The following LRTM2 variants were observed in gnomAD, a reference collection of about 807,000 sequenced individuals.
The protein encoded by LRTM2 is leucine rich repeat transmembrane protein 2.
In LRTM2, 18 loss-of-function variants were observed where a neutral mutation model predicts 28.1. The ratio of observed to expected loss-of-function variants is 0.64; its 90% CI spans 0.44 to 0.95. The LOEUF (loss-of-function observed/expected upper bound fraction) is 0.95. Ranked by LOEUF, LRTM2 falls within the 40% of genes least tolerant of loss-of-function variation. The pLI is 0.00. For synonymous variants in LRTM2, 250 were observed against 218.7 expected, an observed-to-expected ratio of 1.14 and a Z score of -1.26; for missense variants, 436 against 497.2, an observed-to-expected ratio of 0.88 and a Z score of 1.17.
intron 2 of LRTM2, chr12:1,827,806 A>G: frequency 3.3e-6 from 1 of 298,528 alleles, no homozygotes; most frequent in Non-Finnish European, 6.2e-6. Flanking sequence ...AAGAAGGCAG[A>G]TGAGGCTGGG....
chr12:1,832,926 T>C (rs913417097), intron 4 of LRTM2, among the ~76,000 whole-genome samples: 6 of 152,260 alleles, frequency 3.9e-5, no homozygotes, highest in African/African-American at 9.6e-5. Flanking sequence ...GCTGCATCCC[T>C]GTCAGCACCC....
rs202193340 is a variant in LRTM2 at position 1,834,506 on chromosome 12, C to A, written c.898C>A (p.Arg300=). The change falls in exon 5 of 5, where the codon CGG becomes AGG. Residue 300 remains arginine (R), a synonymous_variant. Coordinates refer to ENST00000299194, the MANE Select transcript of LRTM2 (RefSeq NM_001039029.3). The surrounding 1 kb of genome is among the most constrained non-coding windows in gnomAD (Gnocchi z 7.6). ...STACPQKQRH[R]PASVRRAMGT... is the part of the protein sequence containing the mutation. ...AGCCTGCCCACAGAAGCAGAGGCAC[C>A]GGCCGGCGAGCGTGAGGCGAGCCAT... 2 of 1,607,320 alleles carry A rather than the reference C, an allele frequency of 1.2e-6. No homozygotes were observed.
In LRTM2 at chr12:1,834,407, C is replaced by T. The variant is rs1244408744; in HGVS notation, c.799C>T (p.Pro267Ser). The T allele has an allele frequency of 6.2e-7, 1 of 1,613,006 alleles. No homozygotes were observed. The highest frequency in any genetic ancestry group is 8.5e-7 in the Non-Finnish European group (1 of 1,180,010). ...CTCAGCTGGGCTGGATATTCCTGGG[C>T]CACCCTGCACCAAGGCCAGTCCAGA... ...NSSAGLDIPG[P>S]PCTKASPEPA... Residue 267 changes from proline to serine, a missense_variant, in exon 5 of 5, where the codon CCA becomes TCA. By Grantham distance (74) the Pro-to-Ser change is moderately conservative. Coordinates refer to ENST00000299194, the MANE Select transcript of LRTM2 (RefSeq NM_001039029.3). The surrounding 1 kb of genome is among the most constrained non-coding windows in gnomAD (Gnocchi z 7.6).
intron 1 of LRTM2, among the ~76,000 whole-genome samples, chr12:1,827,186 C>T (rs1017279621): frequency 2.0e-5 from 3 of 152,222 alleles, no homozygotes; most frequent in South Asian, 2.1e-4. Flanking sequence ...GTCCCCTGTC[C>T]CCCTCTCTGA....
intron 1 of LRTM2, among the ~76,000 whole-genome samples, chr12:1,821,819 C>T (rs931420875): frequency 2.0e-5 from 3 of 152,260 alleles, no homozygotes; most frequent in East Asian, 3.9e-4. Context: ...TTCCAGTTGG[C>T]GGCCCTGTCT....
At position 1,835,044 on chromosome 12, in the gene LRTM2, C is replaced by A. The variant is rs761076112; in HGVS notation, c.*323C>A. The A allele has an allele frequency of 1.4e-5, 4 of 294,976 alleles. No individual in the cohort carries two copies. Among genetic ancestry groups the A allele is most frequent in the Non-Finnish European group, 2.5e-5 (4 of 158,714 alleles). The allele number at this position is 294,976 out of a possible 1,614,324, so 18.3% of individuals were successfully genotyped here. A position where few individuals can be genotyped will look rare whatever the true frequency, so the allele number is the denominator to read the frequency against. Reference sequence around the variant, plus strand: ...TTCCGGACTGGGCATTCCCCTGTCGCCCTTCCTGCCCTGGGGTGGCCATAG... The same window carrying A: ...TTCCGGACTGGGCATTCCCCTGTCGACCTTCCTGCCCTGGGGTGGCCATAG... On this transcript the variant is annotated 3_prime_UTR_variant, in exon 5 of 5. Coordinates refer to ENST00000299194, the MANE Select transcript of LRTM2 (RefSeq NM_001039029.3).
At chr12:1,826,816 G>A (rs1396061032) in intron 1 of LRTM2, among the ~76,000 whole-genome samples, 1 of 152,232 alleles carries the variant, frequency 6.6e-6, no homozygotes, top group African/African-American at 2.4e-5. Flanking sequence ...GGGGGCAACA[G>A]GGTTTGCAGC....
At chr12:1,826,906 A>G (rs1023875969) in intron 1 of LRTM2, among the ~76,000 whole-genome samples, 2 of 152,194 alleles carry the variant, frequency 1.3e-5, no homozygotes, top group Non-Finnish European at 2.9e-5. Flanking sequence ...CGGCAGCTCC[A>G]TCCACCTCTG....
In LRTM2 at chr12:1,834,440, A is replaced by G. The variant is rs552915594; in HGVS notation, c.832A>G (p.Lys278Glu). Reference protein sequence around the residue: ...PCTKASPEPAKPKPGAEPEPE... With the variant: ...PCTKASPEPAEPKPGAEPEPE... ...CACCAAGGCCAGTCCAGAGCCTGCT[A>G]AGCCCAAGCCCGGGGCTGAGCCGGA... is the stretch of plus-strand genomic sequence containing the variant. The change falls in exon 5 of 5, where the codon AAG becomes GAG. Residue 278 changes from lysine to glutamate, a missense_variant. Physicochemically the swap from Lys to Glu is moderately conservative, Grantham distance 56. Transcript: ENST00000299194. This position sits in a 1 kb window ranked among gnomAD's most constrained non-coding sequence, Gnocchi z 7.6. 1.5e-5 allele frequency: 24 copies of G among 1,612,356 alleles called. No homozygotes were observed. In the South Asian group the frequency reaches 2.3e-4, roughly 15 times the overall value.
At chr12:1,827,978 A>G (rs1864423007) in intron 2 of LRTM2, 98 bp from the exon 3 acceptor site, 2 of 472,910 alleles carry the variant, frequency 4.2e-6, no homozygotes, top group African/African-American at 2.0e-5. Context: ...AGGAGAGGGC[A>G]TGAGGAGTGT....
rs1350622393 is a variant in LRTM2, at chr12:1,831,224, T to C, written c.357T>C (p.Thr119=). The C allele has an allele frequency of 6.2e-7, 1 of 1,613,910 alleles. No individual in the cohort carries two copies. The highest frequency in any genetic ancestry group is 8.5e-7 in the Non-Finnish European group (1 of 1,180,034). ...RSIFGDLTNL[T]ELQLRNNSIR... The stretch of plus-strand genomic sequence containing the variant: ...TTTTCGGGGACCTGACGAATCTGAC[T>C]GAGCTTCAGCTGCGCAATAACAGCA... The change falls in exon 4 of 5, where the codon ACT becomes ACC. Residue 119 remains threonine (T), a synonymous_variant. Transcript: ENST00000299194.
chr12:1,831,032 T>C lies in LRTM2; in HGVS notation c.165T>C (p.Ser55=), dbSNP rs915872800. The C allele has an allele frequency of 2.5e-6, 4 of 1,613,976 alleles. No individual in the cohort carries two copies. Among genetic ancestry groups the C allele is most frequent in the Non-Finnish European group, 2.5e-6 (3 of 1,180,032 alleles). ...GCCGCAGCCTGGAGGTGGACTGCAG[T>C]GGCCTTGGCCTCACCACGGTGCCCC... ...CDSRSLEVDC[S]GLGLTTVPPD... is the part of the protein sequence containing the mutation. Residue 55 remains serine, a synonymous_variant, in exon 4 of 5, where the codon AGT becomes AGC. Transcript: ENST00000299194.
At chr12:1,832,092 G>A (rs1864661374) in intron 4 of LRTM2, among the ~76,000 whole-genome samples, 1 of 152,186 alleles carries the variant, frequency 6.6e-6, no homozygotes. Context: ...AATGGGTTAG[G>A]CTTTACTTTC....
In LRTM2 at chr12:1,834,869, C is replaced by A. The variant is rs1157959477; in HGVS notation, c.*148C>A. ...TCCAGCAGACAAGCCACACCGGGTT[C>A]TCTCCCTGCACTTTCGAGGCTCCCT... On this transcript the variant is annotated 3_prime_UTR_variant, in exon 5 of 5. Transcript: ENST00000299194. This position sits in a 1 kb window ranked among gnomAD's most constrained non-coding sequence, Gnocchi z 7.6. 19 of 1,405,490 alleles carry A rather than the reference C, an allele frequency of 1.4e-5. No individual in the cohort carries two copies. The highest frequency in any genetic ancestry group is 1.8e-5 in the Non-Finnish European group (19 of 1,073,854). 87.1% of individuals were successfully genotyped at this position (1,405,490 alleles called of 1,614,324 possible).
At chr12:1,827,383 C>CCTTGTGT (rs1864385589) in intron 1 of LRTM2, 27 bp from the exon 2 acceptor site, 2 of 152,974 alleles carry the variant, frequency 1.3e-5, no homozygotes, top group African/African-American at 4.8e-5. Context: ...TCTCACCTCT[C>CCTTGTGT]CTTGTGTCCC....
At position 1,836,116 on chromosome 12, in the gene LRTM2, C is replaced by T. The variant is rs920705681; in HGVS notation, c.*1395C>T. The T allele has an allele frequency of 4.6e-5, 7 of 152,318 alleles. No individual in the cohort carries two copies. The highest frequency in any genetic ancestry group is 4.6e-4 in the Admixed American group (7 of 15,288). 9.4% of individuals were successfully genotyped at this position (152,318 alleles called of 1,614,324 possible). The stretch of plus-strand genomic sequence containing the variant: ...CCCGGGCTTTGTCTGCTCAGTGTGG[C>T]TCCCTAGAGCACCCAGCCGGGGCCA... On this transcript the variant is annotated 3_prime_UTR_variant, in exon 5 of 5. Coordinates refer to ENST00000299194, the MANE Select transcript of LRTM2 (RefSeq NM_001039029.3).
In LRTM2 at chr12:1,833,802, G is replaced by A. The variant is rs897813968; in HGVS notation, c.659-465G>A. ...GGTAAGAACCCTAGAAGGATAAGAT[G>A]CTGTGTTGAGAACGGTATCCTGGGC... On this transcript the variant is annotated intron_variant, in intron 4 of 4. Coordinates refer to ENST00000299194, the MANE Select transcript of LRTM2 (RefSeq NM_001039029.3). The surrounding 1 kb of genome is among the most constrained non-coding windows in gnomAD (Gnocchi z 4.2). Among the ~76,000 whole-genome samples the A allele has an allele frequency of 5.3e-5, 8 of 152,192 alleles. No homozygotes were observed. The highest frequency in any genetic ancestry group is 1.9e-4 in the African/African-American group (8 of 41,426).
Position 1,828,000 on chromosome 12 carries a change from C to T in LRTM2, c.-73-76C>T, listed in dbSNP as rs371807809. ...GGCATGAGGAGTGTAAAGAGACACCCGGGCCCTCTCCCTAACCCCTGGGCT... is the reference window on the plus strand; with the variant it reads ...GGCATGAGGAGTGTAAAGAGACACCTGGGCCCTCTCCCTAACCCCTGGGCT... On this transcript the variant is annotated intron_variant, in intron 2 of 4. Transcript: ENST00000299194. The T allele has an allele frequency of 1.8e-4, 102 of 563,184 alleles. 3 individuals are homozygous for T. The highest frequency in any genetic ancestry group is 5.9e-4 in the Admixed American group (16 of 27,310). The allele number at this position is 563,184 out of a possible 1,614,324, so 34.9% of individuals were successfully genotyped here.
intron 1 of LRTM2, among the ~76,000 whole-genome samples, chr12:1,822,833 G>A (rs1019194693): frequency 2.7e-4 from 40 of 149,156 alleles, no homozygotes; most frequent in African/African-American, 1.0e-3. Flanking sequence ...CTAGACGGCT[G>A]TGGCAGCCTC....
Sources: gnomAD v4.1 joint callset for allele counts (sites outside exome capture counted in the v4.1 genomes callset) on GRCh38, gnomAD v4.1.1 for gene constraint, Gnocchi (gnomAD v3.1) non-coding constraint, MANE v1.5 for transcripts, NCBI Gene and HGNC (gene_info 2026-07-23, HGNC 2026-07-21) for gene names.